Variants in ATRNL1 observed in about 807,000 individuals in gnomAD.
ATRNL1 encodes attractin like 1.
A neutral mutation model predicts 182.7 loss-of-function variants in ATRNL1; 95 were observed. The observed-to-expected ratio is 0.52, with a 90% CI of 0.44 to 0.62. The LOEUF (loss-of-function observed/expected upper bound fraction) is 0.62, where lower values mean the gene tolerates loss of function less well. ATRNL1 is among the 20% of genes least tolerant of loss of function. The pLI, the probability that ATRNL1 is intolerant of heterozygous loss-of-function variation, is 0.00. For synonymous variants in ATRNL1, 576 were observed against 568.3 expected (o/e 1.01, Z -0.19); for missense variants, 1,471 against 1,679.5 (o/e 0.88, Z 2.17).
rs559348458 is a variant in ATRNL1, at chr10:115,741,393, C to T, written c.3903+14038C>T. Reference sequence around the variant, plus strand: ...TGCCAAGTTGAGAGAGCAAGGTGAGCGAGGGACGGAGACAGAAAACAGGGT... The same window carrying T: ...TGCCAAGTTGAGAGAGCAAGGTGAGTGAGGGACGGAGACAGAAAACAGGGT... On this transcript the variant is annotated intron_variant, in intron 27 of 28. Coordinates refer to ENST00000355044, the MANE Select transcript of ATRNL1 (RefSeq NM_207303.4). Among the ~76,000 whole-genome samples, 9 of 151,910 alleles carry T rather than the reference C, an allele frequency of 5.9e-5. No individual in the cohort carries two copies. The East Asian group carries it at 7.8e-4, about 13-fold the overall frequency.
chr10:115,292,998 A>G (rs1554921368), intron 15 of ATRNL1, among the ~76,000 whole-genome samples: 1 of 152,026 alleles, frequency 6.6e-6, no homozygotes. Flanking sequence ...TTCTCTTTTT[A>G]TATCTAATAA....
intron 26 of ATRNL1, among the ~76,000 whole-genome samples, chr10:115,552,887 A>T (rs1853081681): frequency 6.6e-6 from 1 of 151,390 alleles, no homozygotes; most frequent in South Asian, 2.1e-4. Context: ...ATAAGTGGAA[A>T]TATTTACACT....
In ATRNL1 at chr10:115,715,463, C is replaced by A. The variant is rs144881929; in HGVS notation, c.3796-11785C>A. On this transcript the variant is annotated intron_variant, in intron 26 of 28. Transcript: ENST00000355044. Reference sequence around the variant, plus strand: ...GAGGGAACCCTGGAATATGAAAAAGCAATACTCATTCTTGTGGTGGCTTTT... The same window carrying A: ...GAGGGAACCCTGGAATATGAAAAAGAAATACTCATTCTTGTGGTGGCTTTT... Among the ~76,000 whole-genome samples, 882 of 152,214 alleles carry A rather than the reference C, an allele frequency of 5.8e-3. 5 individuals are homozygous for A. The highest frequency in any genetic ancestry group is 0.015 in the African/African-American group (632 of 41,530).
chr10:115,264,549 A>T (rs1192695345), intron 10 of ATRNL1, among the ~76,000 whole-genome samples: 1 of 151,564 alleles, frequency 6.6e-6, no homozygotes, highest in Non-Finnish European at 1.5e-5. Flanking sequence ...GTTAGTATAT[A>T]TGTCAGTTCT....
intron 5 of ATRNL1, among the ~76,000 whole-genome samples, chr10:115,153,177 T>C (rs1247052725): frequency 1.3e-5 from 2 of 152,226 alleles, no homozygotes; most frequent in Non-Finnish European, 1.5e-5. Context: ...TCTAAAATTC[T>C]CTTTTTTTGT....
intron 8 of ATRNL1, among the ~76,000 whole-genome samples, chr10:115,197,626 C>T (rs1236702912): frequency 6.6e-6 from 1 of 151,838 alleles, no homozygotes; most frequent in Non-Finnish European, 1.5e-5. Flanking sequence ...AGTTGTCCCT[C>T]AGTATATATG....
At chr10:115,294,976 G>T (rs1417835847) in intron 15 of ATRNL1, among the ~76,000 whole-genome samples, 10 of 152,306 alleles carry the variant, frequency 6.6e-5, no homozygotes, top group African/African-American at 2.4e-4. Flanking sequence ...CACACAGTGG[G>T]TAGGGCAACT....
chr10:115,854,214 C>T lies in ATRNL1; in HGVS notation c.4018+6223C>T, dbSNP rs111625623. On this transcript the variant is annotated intron_variant, in intron 28 of 28. Coordinates refer to ENST00000355044, the MANE Select transcript of ATRNL1 (RefSeq NM_207303.4). The stretch of plus-strand genomic sequence containing the variant: ...GACAATTGCTAAGTTTAATATTTGT[C>T]TACAGCAGTAATCGAGTGATAAACA... Among the ~76,000 whole-genome samples the T allele has an allele frequency of 5.3e-3, 808 of 152,324 alleles. 7 individuals are homozygous for T. Among genetic ancestry groups the T allele is most frequent in the African/African-American group, 0.018 (759 of 41,570 alleles).
chr10:115,350,194 G>GGT (rs1193868435), intron 19 of ATRNL1, among the ~76,000 whole-genome samples: 8 of 151,728 alleles, frequency 5.3e-5, no homozygotes, highest in Non-Finnish European at 1.2e-4. Context: ...AAATTAGCTG[G>GGT]GTGTGGTGGT....
At chr10:115,525,409 G>A (rs1397794125) in intron 25 of ATRNL1, among the ~76,000 whole-genome samples, 1 of 152,070 alleles carries the variant, frequency 6.6e-6, no homozygotes, top group Non-Finnish European at 1.5e-5. Flanking sequence ...TCTTTTTATG[G>A]CAATTAACAA....
intron 7 of ATRNL1, among the ~76,000 whole-genome samples, chr10:115,168,005 G>T (rs560508126): frequency 6.6e-6 from 1 of 152,114 alleles, no homozygotes; most frequent in Admixed American, 6.6e-5. Context: ...GTCTTCCCTA[G>T]CCTTAAGCAG....
intron 27 of ATRNL1, among the ~76,000 whole-genome samples, chr10:115,798,278 T>TCTGGAATTTGTTC (rs1949707144): frequency 6.6e-6 from 1 of 152,128 alleles, no homozygotes; most frequent in South Asian, 2.1e-4. Context: ...TAATCTTGTT[T>TCTGGAATTTGTTC]CTGGAATTTG....
At chr10:115,694,882 G>GT (rs35787777) in intron 26 of ATRNL1, among the ~76,000 whole-genome samples, 6,184 of 141,644 alleles carry the variant, frequency 0.044, 421 homozygotes, top group African/African-American at 0.15. Flanking sequence ...TATTTTTCCT[G>GT]TTTTTTTTTT....
chr10:115,444,667 G>T (rs1311333275), intron 21 of ATRNL1, among the ~76,000 whole-genome samples: 1 of 149,842 alleles, frequency 6.7e-6, no homozygotes, highest in East Asian at 2.0e-4. Flanking sequence ...AAACTGATAT[G>T]TAGATTATGT....
chr10:115,120,986 G>GA (rs1844702622), intron 2 of ATRNL1, among the ~76,000 whole-genome samples: 1 of 152,010 alleles, frequency 6.6e-6, no homozygotes, highest in Non-Finnish European at 1.5e-5. Context: ...CTTGAGTGTT[G>GA]ATTTTTAAAA....
intron 28 of ATRNL1, among the ~76,000 whole-genome samples, chr10:115,917,425 G>T (rs1009950888): frequency 7.7e-6 from 1 of 129,156 alleles, no homozygotes; most frequent in Non-Finnish European, 1.6e-5. Context: ...AGCTGAGATC[G>T]CACCGCTGCA....
At chr10:115,413,512 A>G (rs1845241063) in intron 20 of ATRNL1, among the ~76,000 whole-genome samples, 1 of 151,974 alleles carries the variant, frequency 6.6e-6, no homozygotes, top group Non-Finnish European at 1.5e-5. Context: ...TTCTTGTCCC[A>G]TTTATTTATC....
At chr10:115,267,726 A>G (rs1851666193) in intron 12 of ATRNL1, among the ~76,000 whole-genome samples, 1 of 152,104 alleles carries the variant, frequency 6.6e-6, no homozygotes, top group Non-Finnish European at 1.5e-5. Flanking sequence ...TTTGTTCAGT[A>G]AAATATATGT....
rs571654804 is a variant in ATRNL1, at chr10:115,191,359, C to T, written c.1348+20067C>T. Among the ~76,000 whole-genome samples, 12 of 152,200 alleles carry T rather than the reference C, an allele frequency of 7.9e-5. No individual in the cohort carries two copies. In the East Asian group the frequency reaches 2.1e-3, roughly 27 times the overall value. Reference sequence around the variant, plus strand: ...CAGTGTATGAGGATTCTCCTTTCTCCACATCCTCATCAGCATTATTGCCTG... The same window carrying T: ...CAGTGTATGAGGATTCTCCTTTCTCTACATCCTCATCAGCATTATTGCCTG... On this transcript the variant is annotated intron_variant, in intron 8 of 28. Coordinates refer to ENST00000355044, the MANE Select transcript of ATRNL1 (RefSeq NM_207303.4).
Sources: gnomAD v4.1 joint callset for allele counts (sites outside exome capture counted in the v4.1 genomes callset) on GRCh38, gnomAD v4.1.1 for gene constraint, MANE v1.5 for transcripts, NCBI Gene and HGNC (gene_info 2026-07-23, HGNC 2026-07-21) for gene names.